The following PDCL2 variants were observed in gnomAD, a reference collection of about 807,000 sequenced individuals.
PDCL2 encodes the protein phosducin-like protein 2.
A neutral mutation model predicts 30.3 loss-of-function variants in PDCL2; 23 were observed. The observed-to-expected ratio is 0.76, with a 90% CI of 0.55 to 1.08. The LOEUF (loss-of-function observed/expected upper bound fraction) is 1.08, where lower values mean the gene tolerates loss of function less well. Ranked by LOEUF, PDCL2 falls within the 50% of genes least tolerant of loss-of-function variation. The pLI, the probability that PDCL2 is intolerant of heterozygous loss-of-function variation, is 0.00. For synonymous variants in PDCL2, 68 were observed against 86.2 expected (o/e 0.79, Z 1.17); for missense variants, 243 against 282.3 (o/e 0.86, Z 1.00).
intron 1 of PDCL2, among the ~76,000 whole-genome samples, chr4:55,591,377 C>CT (rs1732995211): frequency 6.6e-6 from 1 of 150,638 alleles, no homozygotes; most frequent in Non-Finnish European, 1.5e-5. Context: ...TTTTGGAAGT[C>CT]TGAGTTTTTG....
intron 5 of PDCL2, among the ~76,000 whole-genome samples, chr4:55,559,639 C>A (rs1299981474): frequency 6.6e-6 from 1 of 152,120 alleles, no homozygotes; most frequent in Non-Finnish European, 1.5e-5. Flanking sequence ...TATCATCTAG[C>A]AATTCCATTT....
In PDCL2 at chr4:55,582,243, C is replaced by T. The variant is rs768117717; in HGVS notation, c.7-6G>A. ...TCTGTATCTTCATTGGGATCCTACA[C>T]AAAAAGAAAAGAAAAGAAAATTAAC... On this transcript the variant is annotated splice_region_variant and splice_polypyrimidine_tract_variant and intron_variant, in intron 1 of 5. Coordinates refer to ENST00000295645, the MANE Select transcript of PDCL2 (RefSeq NM_152401.3). 11 of 1,582,464 alleles carry T rather than the reference C, an allele frequency of 7.0e-6. No individual in the cohort carries two copies. The East Asian group carries it at 1.4e-4, about 19-fold the overall frequency.
At chr4:55,571,920 A>G (rs562971067) in intron 3 of PDCL2, among the ~76,000 whole-genome samples, 1 of 151,770 alleles carries the variant, frequency 6.6e-6, no homozygotes, top group Non-Finnish European at 1.5e-5. Flanking sequence ...TGGGAGCCCT[A>G]CTTTGTTTGC....
At chr4:55,572,204 C>T (rs1402583860) in intron 3 of PDCL2, among the ~76,000 whole-genome samples, 1 of 152,164 alleles carries the variant, frequency 6.6e-6, no homozygotes, top group Non-Finnish European at 1.5e-5. Context: ...ACAAGCCTAT[C>T]AGTTGGGATT....
At chr4:55,561,085 CT>C (rs1293954326) in intron 5 of PDCL2, among the ~76,000 whole-genome samples, 1 of 151,984 alleles carries the variant, frequency 6.6e-6, no homozygotes, top group Non-Finnish European at 1.5e-5. Context: ...CTTTTATGTA[CT>C]CTTATGTTGT....
intron 2 of PDCL2, among the ~76,000 whole-genome samples, chr4:55,581,431 A>T (rs1020375187): frequency 1.3e-5 from 2 of 152,212 alleles, no homozygotes; most frequent in Non-Finnish European, 2.9e-5. Context: ...GCTACATTTA[A>T]AACTAGGTAT....
intron 5 of PDCL2, among the ~76,000 whole-genome samples, chr4:55,557,794 C>T (rs1389690864): frequency 6.6e-6 from 1 of 151,844 alleles, no homozygotes; most frequent in East Asian, 1.9e-4. Context: ...CATTTCCCTC[C>T]AGCTGTGAGC....
At position 55,588,280 on chromosome 4, in the gene PDCL2, C is replaced by G. The variant is rs1197039808; in HGVS notation, c.6+3824G>C. Among the ~76,000 whole-genome samples, 3 of 152,170 alleles carry G rather than the reference C, an allele frequency of 2.0e-5. No individual in the cohort carries two copies. The East Asian group carries it at 5.8e-4, about 29-fold the overall frequency. On this transcript the variant is annotated intron_variant, in intron 1 of 5. Coordinates refer to ENST00000295645, the MANE Select transcript of PDCL2 (RefSeq NM_152401.3). The stretch of plus-strand genomic sequence containing the variant: ...AAGGACAGACAGAACTGAAAGTCAT[C>G]CCTCTCAGACTCACCTGAGACAAAT...
At chr4:55,571,257 G>A (rs1271369212) in intron 3 of PDCL2, among the ~76,000 whole-genome samples, 1 of 152,010 alleles carries the variant, frequency 6.6e-6, no homozygotes, top group Non-Finnish European at 1.5e-5. Flanking sequence ...GATCAATTCA[G>A]GTGCTTCACT....
At chr4:55,589,234 A>G (rs1332770206) in intron 1 of PDCL2, among the ~76,000 whole-genome samples, 2 of 152,120 alleles carry the variant, frequency 1.3e-5, no homozygotes, top group African/African-American at 2.4e-5. Flanking sequence ...CTGTTGGTTC[A>G]TGGTCTCATG....
At chr4:55,575,526 A>C (rs1732542741) in intron 3 of PDCL2, among the ~76,000 whole-genome samples, 1 of 152,234 alleles carries the variant, frequency 6.6e-6, no homozygotes, top group Admixed American at 6.5e-5. Context: ...AAACTTCCCA[A>C]ATTTGATGAA....
chr4:55,592,195 TG>T lies in PDCL2; in HGVS notation c.-87del. On this transcript the variant is annotated 5_prime_UTR_variant, in exon 1 of 6. Coordinates refer to ENST00000295645, the MANE Select transcript of PDCL2 (RefSeq NM_152401.3). ...TGGAGACCCGCAGCCTTCTCCAGGC[TG>T]GAAGAGCGCCCGCTTCAGGCCCGGC... The T allele has an allele frequency of 1.9e-6, 3 of 1,565,930 alleles. No homozygotes were observed. The highest frequency in any genetic ancestry group is 2.6e-6 in the Non-Finnish European group (3 of 1,154,824).
intron 4 of PDCL2, among the ~76,000 whole-genome samples, chr4:55,563,741 G>A (rs1410112473): frequency 6.6e-6 from 1 of 152,158 alleles, no homozygotes; most frequent in East Asian, 1.9e-4. Context: ...GCTCTGGCAT[G>A]GCCAAAAACA....
chr4:55,572,048 C>T (rs187835471), intron 3 of PDCL2, among the ~76,000 whole-genome samples: 1 of 150,538 alleles, frequency 6.6e-6, no homozygotes, highest in Admixed American at 6.7e-5. Flanking sequence ...TCAACAACTT[C>T]CCTTCCTCCT....
At chr4:55,588,769 C>G (rs1173580336) in intron 1 of PDCL2, among the ~76,000 whole-genome samples, 1 of 151,748 alleles carries the variant, frequency 6.6e-6, no homozygotes, top group Non-Finnish European at 1.5e-5. Context: ...TCTTGGCACT[C>G]TTGTTAAAAA....
intron 2 of PDCL2, among the ~76,000 whole-genome samples, chr4:55,581,900 G>T (rs572749827): frequency 6.6e-6 from 1 of 152,144 alleles, no homozygotes; most frequent in Admixed American, 6.5e-5. Context: ...GTAGAGATGG[G>T]GTTTCACCGT....
At chr4:55,588,368 C>A (rs958394566) in intron 1 of PDCL2, among the ~76,000 whole-genome samples, 2 of 152,210 alleles carry the variant, frequency 1.3e-5, no homozygotes, top group Non-Finnish European at 2.9e-5. Flanking sequence ...CTGAGCCAGA[C>A]TAAATTGTGT....
intron 3 of PDCL2, among the ~76,000 whole-genome samples, chr4:55,572,243 T>A (rs1017445820): frequency 6.8e-6 from 1 of 146,564 alleles, no homozygotes; most frequent in African/African-American, 2.6e-5. Flanking sequence ...GCCCACTAGC[T>A]ATTTTAAGCA....
chr4:55,569,695 T>C (rs1480473717), intron 4 of PDCL2, 23 bp downstream of exon 4: 3 of 1,474,918 alleles, frequency 2.0e-6, no homozygotes, highest in African/African-American at 1.4e-5. Flanking sequence ...TATATTAACA[T>C]TTTGAAATAT....
Sources: allele counts gnomAD v4.1 joint callset (sites outside exome capture counted in the v4.1 genomes callset), GRCh38; gene constraint gnomAD v4.1.1; transcripts MANE v1.5; gene names NCBI Gene and HGNC (gene_info 2026-07-23, HGNC 2026-07-21).